PTPRD: variants seen among roughly 807,000 people sequenced by gnomAD.
The protein encoded by PTPRD is protein tyrosine phosphatase receptor type D, also known as receptor-type tyrosine-protein phosphatase delta.
PTPRD carries 34 observed loss-of-function variants against 214.5 expected under a neutral mutation model. That is an observed-to-expected ratio of 0.16 (90% CI 0.12 to 0.21). PTPRD has a LOEUF of 0.21. PTPRD is among the 10% of genes least tolerant of loss of function. The pLI is 1.00. For missense variants in PTPRD, 2,545 were observed against 2,398.7 expected (o/e 1.06, Z -1.27); for synonymous variants, 1,128 against 845.7 (o/e 1.33, Z -5.79).
intron 2 of PTPRD, among the ~76,000 whole-genome samples, chr9:10,586,201 A>G (rs2073841045): frequency 1.3e-5 from 2 of 152,068 alleles, no homozygotes; most frequent in African/African-American, 4.8e-5. Context: ...GCAATGAAAG[A>G]TACAGCAGAG....
At chr9:9,100,476 C>T (rs761128547) in intron 10 of PTPRD, among the ~76,000 whole-genome samples, 7 of 152,106 alleles carry the variant, frequency 4.6e-5, no homozygotes, top group Non-Finnish European at 8.8e-5. Flanking sequence ...CCCCACATTT[C>T]TTCTTCTATG....
chr9:10,231,956 T>TAGAGAGAGAGAGAG (rs56151511), intron 3 of PTPRD, among the ~76,000 whole-genome samples: 5 of 109,080 alleles, frequency 4.6e-5, no homozygotes, highest in African/African-American at 1.7e-4. Context: ...GGGAATGAAT[T>TAGAGAGAGAGAGAG]AGAGAGAGAG....
chr9:8,850,582 G>A (rs1375733001), intron 11 of PTPRD, among the ~76,000 whole-genome samples: 1 of 151,568 alleles, frequency 6.6e-6, no homozygotes, highest in Non-Finnish European at 1.5e-5. Context: ...TGGTTACCTG[G>A]CCAGTAAGTA....
intron 2 of PTPRD, among the ~76,000 whole-genome samples, chr9:10,524,055 T>C (rs2053458776): frequency 6.6e-6 from 1 of 152,000 alleles, no homozygotes; most frequent in South Asian, 2.1e-4. Context: ...GTGTCCGTCT[T>C]ATAAGTCCTC....
chr9:9,944,902 A>G (rs963616409), intron 4 of PTPRD, among the ~76,000 whole-genome samples: 1 of 152,056 alleles, frequency 6.6e-6, no homozygotes, highest in African/African-American at 2.4e-5. Flanking sequence ...TAGAGATGAG[A>G]CTGAAGGAAG....
chr9:10,291,028 CTT>C (rs546852022), intron 3 of PTPRD, among the ~76,000 whole-genome samples: 32 of 130,524 alleles, frequency 2.5e-4, no homozygotes, highest in Admixed American at 3.1e-4. Flanking sequence ...AGAATCTACA[CTT>C]TTTTTTTTTT....
At chr9:9,152,233 T>C (rs76161018) in intron 10 of PTPRD, among the ~76,000 whole-genome samples, 5,127 of 152,248 alleles carry the variant, frequency 0.034, 299 homozygotes, top group African/African-American at 0.12. Context: ...CCATGGCATT[T>C]TTCATAGGCA....
intron 11 of PTPRD, among the ~76,000 whole-genome samples, chr9:8,915,226 C>G (rs1448252440): frequency 1.3e-5 from 2 of 151,996 alleles, no homozygotes; most frequent in Non-Finnish European, 1.5e-5. Context: ...GACGAGGAGG[C>G]ATCATAATGA....
chr9:8,497,780 A>G (rs1563841645), intron 25 of PTPRD, among the ~76,000 whole-genome samples: 2 of 152,164 alleles, frequency 1.3e-5, no homozygotes, highest in Non-Finnish European at 2.9e-5. Context: ...AGAAGAAGAG[A>G]AAAAAAGACA....
chr9:9,539,655 A>G (rs922368599), intron 8 of PTPRD, among the ~76,000 whole-genome samples: 3 of 151,856 alleles, frequency 2.0e-5, no homozygotes, highest in Non-Finnish European at 4.4e-5. Context: ...TAAAATATAC[A>G]AGTAAAATAA....
At chr9:8,878,739 G>A (rs75994412) in intron 11 of PTPRD, among the ~76,000 whole-genome samples, 2 of 152,088 alleles carry the variant, frequency 1.3e-5, no homozygotes, top group East Asian at 3.9e-4. Flanking sequence ...GTCTTGCCCT[G>A]CTGGTCTTGA....
chr9:8,523,969 A>G (rs2097946240), intron 18 of PTPRD, among the ~76,000 whole-genome samples: 1 of 152,190 alleles, frequency 6.6e-6, no homozygotes, highest in Admixed American at 6.6e-5. Context: ...AAGGGAACCC[A>G]TCCTATTGTA....
At chr9:10,266,965 C>A (rs951493108) in intron 3 of PTPRD, among the ~76,000 whole-genome samples, 1 of 151,598 alleles carries the variant, frequency 6.6e-6, no homozygotes, top group African/African-American at 2.4e-5. Flanking sequence ...CCGAGGCGGG[C>A]GAATCACCAG....
chr9:9,234,114 C>T (rs750256830), intron 9 of PTPRD, among the ~76,000 whole-genome samples: 1 of 152,204 alleles, frequency 6.6e-6, no homozygotes, highest in African/African-American at 2.4e-5. Flanking sequence ...AAACTTCTGC[C>T]TGGACATCCA....
At chr9:10,213,661 A>G (rs1594399512) in intron 3 of PTPRD, among the ~76,000 whole-genome samples, 1 of 152,106 alleles carries the variant, frequency 6.6e-6, no homozygotes, top group East Asian at 1.9e-4. Context: ...ATTTCATTTG[A>G]AAAGAATATA....
At chr9:9,645,356 C>T (rs980116031) in intron 7 of PTPRD, among the ~76,000 whole-genome samples, 7 of 151,846 alleles carry the variant, frequency 4.6e-5, no homozygotes, top group Non-Finnish European at 2.9e-5. Flanking sequence ...AGAGCTCATT[C>T]ATATTAAACT....
In PTPRD at chr9:8,595,620, G is replaced by T. The variant is rs373985858; in HGVS notation, c.352+37697C>A. 3.0e-4 allele frequency among the ~76,000 whole-genome samples: 46 copies of T among 152,268 alleles called. No homozygotes were observed. In the South Asian group the frequency reaches 8.9e-3, roughly 29 times the overall value. On this transcript the variant is annotated intron_variant, in intron 14 of 45. Transcript: ENST00000381196. The stretch of plus-strand genomic sequence containing the variant: ...TTAAGAGCATCAAGATAAACTCTTT[G>T]TGCTTAGAAAGTTTAGTTTTGTCTT...
intron 8 of PTPRD, among the ~76,000 whole-genome samples, chr9:9,414,385 A>T (rs2076384775): frequency 2.0e-5 from 3 of 152,220 alleles, no homozygotes; most frequent in Admixed American, 2.0e-4. Flanking sequence ...AGGTCTTTGC[A>T]TCAAAAAATA....
chr9:9,100,809 A>G (rs956190542), intron 10 of PTPRD, among the ~76,000 whole-genome samples: 2 of 152,174 alleles, frequency 1.3e-5, no homozygotes, highest in African/African-American at 2.4e-5. Flanking sequence ...GATGTAATAT[A>G]TAGTACCTAA....
Sources: gnomAD v4.1 joint callset for allele counts (sites outside exome capture counted in the v4.1 genomes callset) on GRCh38, gnomAD v4.1.1 for gene constraint, MANE v1.5 for transcripts, NCBI Gene and HGNC (gene_info 2026-07-23, HGNC 2026-07-21) for gene names.